Variants in TRABD2B observed in about 807,000 individuals in gnomAD.
TRABD2B encodes the protein metalloprotease TIKI2.
Under a neutral mutation model 40.1 loss-of-function variants are expected in TRABD2B, and 14 were observed. The observed-to-expected ratio is 0.35, with a 90% CI of 0.23 to 0.55. The LOEUF is 0.55. Ranked by LOEUF, TRABD2B falls within the 20% of genes least tolerant of loss-of-function variation. The pLI is 0.90. For missense variants in TRABD2B, 541 were observed against 648.6 expected, an observed-to-expected ratio of 0.83 and a Z score of 1.80; for synonymous variants, 263 against 277.0, an observed-to-expected ratio of 0.95 and a Z score of 0.50.
intron 2 of TRABD2B, among the ~76,000 whole-genome samples, chr1:47,892,318 T>C (rs1644459055): frequency 6.6e-6 from 1 of 152,236 alleles, no homozygotes. Context: ...AGAATGGAAC[T>C]GCCATGTGCT....
intron 2 of TRABD2B, among the ~76,000 whole-genome samples, chr1:47,906,430 AC>A (rs146958138): frequency 0.021 from 3,216 of 152,322 alleles, 55 homozygotes; most frequent in South Asian, 0.059. Flanking sequence ...GCTTTCTTGC[AC>A]CAAGCTCCAC....
chr1:47,921,095 G>A (rs1236064729), intron 2 of TRABD2B, among the ~76,000 whole-genome samples: 1 of 152,206 alleles, frequency 6.6e-6, no homozygotes, highest in African/African-American at 2.4e-5. Context: ...CTCACTAAAT[G>A]TTTGTCAAAC....
At chr1:47,805,199 G>C (rs1644874968) in intron 2 of TRABD2B, among the ~76,000 whole-genome samples, 1 of 151,912 alleles carries the variant, frequency 6.6e-6, no homozygotes, top group Admixed American at 6.6e-5. Context: ...CCACATGGCT[G>C]GATTTCCAGA....
chr1:47,861,658 T>C lies in TRABD2B; in HGVS notation c.667-60039A>G, dbSNP rs116613822. ...CAAAACAAAAAGCACCAGGCCCTGA[T>C]GGATTCACTAGTGAATTCTGCCAAA... On this transcript the variant is annotated intron_variant, in intron 2 of 6. Coordinates refer to ENST00000606738, the MANE Select transcript of TRABD2B (RefSeq NM_001194986.2). Among the ~76,000 whole-genome samples the C allele has an allele frequency of 4.4e-3, 669 of 152,336 alleles. 6 individuals carry two copies. The highest frequency in any genetic ancestry group is 0.016 in the African/African-American group (656 of 41,576).
chr1:47,804,406 G>A (rs1378284712), intron 2 of TRABD2B, among the ~76,000 whole-genome samples: 4 of 152,170 alleles, frequency 2.6e-5, no homozygotes, highest in African/African-American at 9.6e-5. Context: ...GAGTTGATCC[G>A]CTCTCCTTCC....
chr1:47,767,173 T>C (rs961221966), intron 6 of TRABD2B, among the ~76,000 whole-genome samples: 8 of 152,136 alleles, frequency 5.3e-5, no homozygotes, highest in African/African-American at 1.9e-4. Flanking sequence ...AGGGACAGGC[T>C]CTGGGATAGA....
At chr1:47,941,672 G>T (rs1017110198) in intron 2 of TRABD2B, among the ~76,000 whole-genome samples, 7 of 152,230 alleles carry the variant, frequency 4.6e-5, no homozygotes, top group African/African-American at 1.7e-4. Flanking sequence ...GAAAGGAGAG[G>T]TGTGAGAAGG....
At chr1:47,792,318 A>C (rs1394609019) in intron 4 of TRABD2B, among the ~76,000 whole-genome samples, 2 of 152,198 alleles carry the variant, frequency 1.3e-5, no homozygotes, top group East Asian at 3.9e-4. Context: ...AGCCTATTAC[A>C]TGCTACCAAA....
At chr1:47,982,382 A>G (rs1645853120) in intron 2 of TRABD2B, among the ~76,000 whole-genome samples, 1 of 152,126 alleles carries the variant, frequency 6.6e-6, no homozygotes, top group African/African-American at 2.4e-5. Flanking sequence ...GCATTATCTC[A>G]TTTATGCCTC....
At chr1:47,873,820 A>T (rs1169198572) in intron 2 of TRABD2B, among the ~76,000 whole-genome samples, 1 of 152,162 alleles carries the variant, frequency 6.6e-6, no homozygotes, top group Non-Finnish European at 1.5e-5. Flanking sequence ...AATACAAAGG[A>T]CTAAACACCA....
chr1:47,777,394 G>A (rs35318744), intron 5 of TRABD2B, among the ~76,000 whole-genome samples: 7 of 152,316 alleles, frequency 4.6e-5, no homozygotes, highest in Admixed American at 6.5e-5. Flanking sequence ...ATGAGAAGTG[G>A]TGGGAGACTG....
chr1:47,936,046 T>C (rs967024463), intron 2 of TRABD2B, among the ~76,000 whole-genome samples: 68 of 152,208 alleles, frequency 4.5e-4, no homozygotes, highest in African/African-American at 1.5e-3. Context: ...GAAGAACATA[T>C]GGGAAAGCAC....
intron 4 of TRABD2B, among the ~76,000 whole-genome samples, chr1:47,784,962 G>A (rs964274108): frequency 2.0e-5 from 3 of 152,338 alleles, no homozygotes; most frequent in Admixed American, 1.3e-4. Flanking sequence ...GCCATGCAGT[G>A]CCAGGGGCCA....
intron 2 of TRABD2B, among the ~76,000 whole-genome samples, chr1:47,932,694 T>C (rs202193529): frequency 6.6e-6 from 1 of 152,306 alleles, no homozygotes; most frequent in East Asian, 1.9e-4. Context: ...AGCCATAACA[T>C]GGCAGAGCCT....
intron 2 of TRABD2B, among the ~76,000 whole-genome samples, chr1:47,804,532 C>T (rs1312276694): frequency 1.3e-5 from 2 of 152,178 alleles, no homozygotes; most frequent in Non-Finnish European, 2.9e-5. Flanking sequence ...GTGAGGTCAT[C>T]GGCCCAGGCA....
intron 2 of TRABD2B, among the ~76,000 whole-genome samples, chr1:47,864,661 C>T (rs1456874314): frequency 6.6e-6 from 1 of 152,084 alleles, no homozygotes; most frequent in Non-Finnish European, 1.5e-5. Context: ...TTAACTTTTC[C>T]TTCTTCTGCA....
chr1:47,805,944 G>A (rs572538349), intron 2 of TRABD2B, among the ~76,000 whole-genome samples: 1 of 152,298 alleles, frequency 6.6e-6, no homozygotes, highest in South Asian at 2.1e-4. Flanking sequence ...CTGTCCTGTA[G>A]GCCCTCCCTC....
chr1:47,822,033 A>G (rs1344420682), intron 2 of TRABD2B, among the ~76,000 whole-genome samples: 1 of 152,182 alleles, frequency 6.6e-6, no homozygotes, highest in Non-Finnish European at 1.5e-5. Flanking sequence ...GTGCATGCAC[A>G]CACTCTCAGT....
chr1:47,814,667 TGAGGGAGCGGTTG>T (rs2124370777), intron 2 of TRABD2B, among the ~76,000 whole-genome samples: 1 of 152,180 alleles, frequency 6.6e-6, no homozygotes, highest in East Asian at 1.9e-4. Flanking sequence ...GAGCCCCACT[TGAGGGAGCGGTTG>T]GACAAATGCA....
Sources: gnomAD v4.1 joint callset for allele counts (sites outside exome capture counted in the v4.1 genomes callset) on GRCh38, gnomAD v4.1.1 for gene constraint, MANE v1.5 for transcripts, NCBI Gene and HGNC (gene_info 2026-07-23, HGNC 2026-07-21) for gene names.